The following PKP2 variants were observed in gnomAD, a reference collection of about 807,000 sequenced individuals.
PKP2 encodes the protein plakophilin 2, also known as plakophilin-2.
Under a neutral mutation model 83.4 loss-of-function variants are expected in PKP2, and 73 were observed. That is an observed-to-expected ratio of 0.88 (90% CI 0.72 to 1.06). The LOEUF is 1.06. PKP2 is among the 50% of genes least tolerant of loss of function. The probability of loss-of-function intolerance (pLI) is 0.00; values close to 1 mark genes in which losing one functional copy is unlikely to be tolerated. For missense variants in PKP2, 966 were observed against 1,065.4 expected (o/e 0.91, Z 1.30); for synonymous variants, 409 against 430.4 (o/e 0.95, Z 0.62).
chr12:32,831,143 C>G (rs1399147365), intron 6 of PKP2, among the ~76,000 whole-genome samples: 1 of 152,102 alleles, frequency 6.6e-6, no homozygotes, highest in Non-Finnish European at 1.5e-5. Context: ...AATAAGCATT[C>G]TTGACATGTA....
chr12:32,886,804 C>T (rs1343138906), intron 1 of PKP2, among the ~76,000 whole-genome samples: 4 of 152,066 alleles, frequency 2.6e-5, no homozygotes, highest in Middle Eastern at 6.8e-3. Flanking sequence ...CCAGCCTGGG[C>T]AATATAGTGA....
At chr12:32,846,516 C>T (rs907532637) in intron 5 of PKP2, among the ~76,000 whole-genome samples, 3 of 151,860 alleles carry the variant, frequency 2.0e-5, no homozygotes, top group Non-Finnish European at 2.9e-5. Flanking sequence ...AGGCTGAGGC[C>T]GGCAGATCAC....
At chr12:32,832,893 G>GA (rs1269158269) in intron 6 of PKP2, among the ~76,000 whole-genome samples, 1 of 152,178 alleles carries the variant, frequency 6.6e-6, no homozygotes, top group Non-Finnish European at 1.5e-5. Context: ...CACAAGGCTA[G>GA]ATCAAATAAG....
intron 5 of PKP2, among the ~76,000 whole-genome samples, chr12:32,846,332 G>C (rs79032918): frequency 6.6e-6 from 1 of 152,072 alleles, no homozygotes; most frequent in African/African-American, 2.4e-5. Flanking sequence ...CAATCTCACC[G>C]GGGTGGGGGG....
At chr12:32,889,666 A>C (rs1328899213) in intron 1 of PKP2, among the ~76,000 whole-genome samples, 4 of 152,190 alleles carry the variant, frequency 2.6e-5, no homozygotes, top group Non-Finnish European at 5.9e-5. Context: ...AGTCACATAC[A>C]TGCTTTTGTC....
At chr12:32,795,229 C>G (rs1956109883) in intron 11 of PKP2, among the ~76,000 whole-genome samples, 1 of 151,196 alleles carries the variant, frequency 6.6e-6, no homozygotes, top group Non-Finnish European at 1.5e-5. Context: ...AACAGGAACA[C>G]AGATGTGGAA....
intron 4 of PKP2, among the ~76,000 whole-genome samples, chr12:32,859,063 T>C (rs927909604): frequency 5.9e-5 from 9 of 152,224 alleles, no homozygotes; most frequent in African/African-American, 1.4e-4. Context: ...GAGTTACATG[T>C]TTACCAACAG....
chr12:32,822,479 C>T lies in PKP2; in HGVS notation c.1827G>A (p.Arg609=). The change falls in exon 8 of 13, where the codon AGG becomes AGA. Residue 609 remains arginine, a synonymous_variant. Coordinates refer to ENST00000340811, the MANE Select transcript of PKP2 (RefSeq NM_001005242.3). ...KSIGCFGSRS[R]KVKEQYQDVP... Reference sequence around the variant, plus strand: ...CTTCCCAATATACCTCTTTTACTTTCCTGCTTCGACTGCCAAAACATCCAA... The same window carrying T: ...CTTCCCAATATACCTCTTTTACTTTTCTGCTTCGACTGCCAAAACATCCAA... The T allele has an allele frequency of 6.2e-7, 1 of 1,613,982 alleles. No homozygotes were observed. The highest frequency in any genetic ancestry group is 8.5e-7 in the Non-Finnish European group (1 of 1,179,988).
chr12:32,885,391 C>T (rs553384499), intron 1 of PKP2, among the ~76,000 whole-genome samples: 1 of 152,228 alleles, frequency 6.6e-6, no homozygotes, highest in African/African-American at 2.4e-5. Flanking sequence ...TAGTGGCTCA[C>T]GCCTGTAATC....
chr12:32,885,333 G>A (rs367721731), intron 1 of PKP2, among the ~76,000 whole-genome samples: 20 of 152,222 alleles, frequency 1.3e-4, no homozygotes, highest in South Asian at 4.1e-4. Context: ...AACATTGCTC[G>A]AAATAATGAA....
chr12:32,869,687 T>C (rs1353543783), intron 3 of PKP2, among the ~76,000 whole-genome samples: 1 of 152,188 alleles, frequency 6.6e-6, no homozygotes, highest in East Asian at 1.9e-4. Context: ...CAATAAGACT[T>C]TTAAAAGAAT....
At chr12:32,858,064 CAAAAA>C (rs777690496) in intron 4 of PKP2, among the ~76,000 whole-genome samples, 138 of 27,340 alleles carry the variant, frequency 5.0e-3, no homozygotes, top group East Asian at 0.013. Flanking sequence ...CCCATCTCTA[CAAAAA>C]AAAAAAAAAA....
At chr12:32,876,474 T>C (rs929097723) in intron 3 of PKP2, among the ~76,000 whole-genome samples, 5 of 152,312 alleles carry the variant, frequency 3.3e-5, no homozygotes, top group Admixed American at 6.5e-5. Context: ...AATTTTGAAT[T>C]ACCTGTTTAA....
At chr12:32,895,872 C>T (rs565220114) in intron 1 of PKP2, among the ~76,000 whole-genome samples, 4 of 152,328 alleles carry the variant, frequency 2.6e-5, no homozygotes, top group African/African-American at 9.6e-5. Flanking sequence ...CCGGCAGGGC[C>T]AAAGTCCCCT....
intron 6 of PKP2, among the ~76,000 whole-genome samples, chr12:32,833,253 C>G (rs1369879008): frequency 6.6e-6 from 1 of 151,952 alleles, no homozygotes; most frequent in East Asian, 1.9e-4. Flanking sequence ...AAAAAATAAA[C>G]AAATAAATAA....
At chr12:32,839,547 T>C (rs1344156421) in intron 6 of PKP2, among the ~76,000 whole-genome samples, 1 of 151,806 alleles carries the variant, frequency 6.6e-6, no homozygotes, top group African/African-American at 2.4e-5. Flanking sequence ...CTGAATTCTG[T>C]CCCAAAAAGG....
At chr12:32,803,489 C>A (rs539326530) in intron 9 of PKP2, among the ~76,000 whole-genome samples, 1 of 152,288 alleles carries the variant, frequency 6.6e-6, no homozygotes, top group South Asian at 2.1e-4. Flanking sequence ...TCTTGTACTA[C>A]CCTTTTCACT....
rs370397747 is a variant in PKP2, at chr12:32,874,330, G to A, written c.1034+3516C>T. On this transcript the variant is annotated intron_variant, in intron 3 of 12. Transcript: ENST00000340811. ...GCCTGGGGAACTGAAATGAGGCGTG[G>A]AGCCCAGCAGAGGAAAGGGGGAGGT... Among the ~76,000 whole-genome samples, 13 of 152,272 alleles carry A rather than the reference G, an allele frequency of 8.5e-5. No homozygotes were observed. The East Asian group carries it at 2.3e-3, about 27-fold the overall frequency.
At chr12:32,871,715 CA>C in intron 3 of PKP2, among the ~76,000 whole-genome samples, 1 of 152,146 alleles carries the variant, frequency 6.6e-6, no homozygotes, top group South Asian at 2.1e-4. Context: ...CCACCCACCT[CA>C]GCCTCCCAAA....
Sources: gnomAD v4.1 joint callset for allele counts (sites outside exome capture counted in the v4.1 genomes callset) on GRCh38, gnomAD v4.1.1 for gene constraint, MANE v1.5 for transcripts, NCBI Gene and HGNC (gene_info 2026-07-23, HGNC 2026-07-21) for gene names.